Variants in ZNF804B observed in about 807,000 individuals in gnomAD.
ZNF804B encodes zinc finger protein 804B.
Under a neutral mutation model 101.4 loss-of-function variants are expected in ZNF804B, and 80 were observed. The ratio of observed to expected loss-of-function variants is 0.79; its 90% CI spans 0.66 to 0.95. The LOEUF is 0.95. ZNF804B is among the 40% of genes least tolerant of loss of function. The pLI is 0.00. For synonymous variants in ZNF804B, 622 were observed against 558.8 expected (o/e 1.11, Z -1.59); for missense variants, 1,673 against 1,561.9 (o/e 1.07, Z -1.20).
intron 1 of ZNF804B, among the ~76,000 whole-genome samples, chr7:89,192,210 T>A (rs1788465271): frequency 6.6e-6 from 1 of 152,098 alleles, no homozygotes; most frequent in Non-Finnish European, 1.5e-5. Context: ...TCAAGATAGT[T>A]TAATGTATCT....
chr7:89,064,388 G>A (rs922059287), intron 1 of ZNF804B, among the ~76,000 whole-genome samples: 13 of 152,144 alleles, frequency 8.5e-5, no homozygotes, highest in Admixed American at 2.0e-4. Flanking sequence ...GGTATAACCC[G>A]TGTCTACCAT....
At chr7:89,274,137 T>TTTTTC (rs1554387663) in intron 2 of ZNF804B, among the ~76,000 whole-genome samples, 51 of 145,594 alleles carry the variant, frequency 3.5e-4, no homozygotes, top group East Asian at 3.2e-3. Flanking sequence ...TTTTTTTTTC[T>TTTTTC]TTTTATTTTA....
intron 1 of ZNF804B, among the ~76,000 whole-genome samples, chr7:89,045,917 T>C (rs1194748677): frequency 6.6e-6 from 1 of 152,016 alleles, no homozygotes; most frequent in African/African-American, 2.4e-5. Flanking sequence ...GGAGATGAGA[T>C]TTCAGAGGGA....
intron 1 of ZNF804B, among the ~76,000 whole-genome samples, chr7:89,121,673 A>G (rs1790407770): frequency 6.6e-6 from 1 of 152,210 alleles, no homozygotes; most frequent in Admixed American, 6.5e-5. Context: ...GCAAATTTCT[A>G]TACTTTTAAT....
intron 1 of ZNF804B, among the ~76,000 whole-genome samples, chr7:89,177,434 T>C (rs527400380): frequency 1.3e-5 from 2 of 152,216 alleles, no homozygotes; most frequent in Non-Finnish European, 2.9e-5. Context: ...CTGAAGTTCC[T>C]CTTGTTACTG....
rs151268364 is a variant in ZNF804B, at chr7:88,843,755, A to G, written c.108+83671A>G. On this transcript the variant is annotated intron_variant, in intron 1 of 3. Transcript: ENST00000333190. The stretch of plus-strand genomic sequence containing the variant: ...CTGTCTCAAAAGAAAAAAAATAATA[A>G]ATAATAAAATAACAAATGAAGACAA... Among the ~76,000 whole-genome samples, 396 of 152,222 alleles carry G rather than the reference A, an allele frequency of 2.6e-3. 1 individual carries two copies. Among genetic ancestry groups the G allele is most frequent in the Non-Finnish European group, 3.5e-3 (241 of 68,010 alleles).
chr7:89,264,091 A>G (rs1789748617), intron 2 of ZNF804B, among the ~76,000 whole-genome samples: 1 of 152,140 alleles, frequency 6.6e-6, no homozygotes, highest in Non-Finnish European at 1.5e-5. Context: ...AAACATGTTT[A>G]TATCCACAAC....
intron 1 of ZNF804B, among the ~76,000 whole-genome samples, chr7:88,985,637 G>A (rs1366925776): frequency 2.0e-5 from 3 of 152,006 alleles, no homozygotes; most frequent in Admixed American, 2.0e-4. Flanking sequence ...TATAGAAAGA[G>A]GAAAAAGCCA....
intron 1 of ZNF804B, among the ~76,000 whole-genome samples, chr7:88,787,787 G>A (rs2115675684): frequency 6.6e-6 from 1 of 152,246 alleles, no homozygotes; most frequent in South Asian, 2.1e-4. Context: ...TGACACCAGA[G>A]TGGCTCTCTT....
chr7:89,147,554 A>G (rs774582091), intron 1 of ZNF804B, among the ~76,000 whole-genome samples: 5 of 152,088 alleles, frequency 3.3e-5, no homozygotes, highest in Non-Finnish European at 5.9e-5. Context: ...AATGTAGAGT[A>G]TAGAGCAGTG....
intron 2 of ZNF804B, among the ~76,000 whole-genome samples, chr7:89,298,962 T>C (rs561102531): frequency 3.2e-4 from 49 of 152,024 alleles, no homozygotes; most frequent in African/African-American, 1.1e-3. Flanking sequence ...TCAGAGTGAC[T>C]AATAAAGTGA....
chr7:89,154,727 G>A (rs906498070), intron 1 of ZNF804B, among the ~76,000 whole-genome samples: 6 of 152,030 alleles, frequency 3.9e-5, no homozygotes, highest in African/African-American at 1.4e-4. Context: ...GAGTAATGGG[G>A]GGCTGGGAGG....
chr7:88,952,721 A>G (rs1793243837), intron 1 of ZNF804B, among the ~76,000 whole-genome samples: 1 of 151,874 alleles, frequency 6.6e-6, no homozygotes, highest in Non-Finnish European at 1.5e-5. Context: ...ACCGTAATCT[A>G]TAATTCCCAT....
At chr7:89,108,267 G>T (rs1790165222) in intron 1 of ZNF804B, among the ~76,000 whole-genome samples, 1 of 150,648 alleles carries the variant, frequency 6.6e-6, no homozygotes. Context: ...AGTGATGATA[G>T]GTGGCTTTTA....
intron 2 of ZNF804B, among the ~76,000 whole-genome samples, chr7:89,242,360 T>C (rs1015918277): frequency 3.3e-5 from 5 of 152,066 alleles, no homozygotes; most frequent in Admixed American, 2.0e-4. Context: ...CTTGCTTTTT[T>C]CCCCTATATA....
In ZNF804B at chr7:89,336,343, A is replaced by G. The variant is rs539521409; in HGVS notation, c.3361A>G (p.Thr1121Ala). Reference sequence around the variant, plus strand: ...AAATATAAACTCTTACTATGACAGAACTATGCAGAAACCTGACAAAGTCGA... The same window carrying G: ...AAATATAAACTCTTACTATGACAGAGCTATGCAGAAACCTGACAAAGTCGA... The part of the protein sequence containing the change: ...EGNINSYYDR[T>A]MQKPDKVEDG... The change falls in exon 4 of 4, where the codon ACT becomes GCT. Residue 1121 changes from threonine to alanine, a missense_variant. Physicochemically the swap from Thr to Ala is moderately conservative, Grantham distance 58. Transcript: ENST00000333190. The G allele has an allele frequency of 6.2e-7, 1 of 1,614,030 alleles. No homozygotes were observed. The highest frequency in any genetic ancestry group is 8.5e-7 in the Non-Finnish European group (1 of 1,180,006).
At chr7:89,062,042 G>T (rs1188047001) in intron 1 of ZNF804B, among the ~76,000 whole-genome samples, 1 of 151,988 alleles carries the variant, frequency 6.6e-6, no homozygotes, top group African/African-American at 2.4e-5. Context: ...GCTAGTGCTC[G>T]AGGCAGACTG....
intron 1 of ZNF804B, chr7:88,795,122 T>C (rs1790459376): frequency 2.1e-6 from 1 of 479,576 alleles, no homozygotes; most frequent in Admixed American, 3.9e-5. Flanking sequence ...TTTGCCAGTT[T>C]TATCAGGAAA....
chr7:88,800,297 C>G (rs150363621), intron 1 of ZNF804B, among the ~76,000 whole-genome samples: 1 of 151,782 alleles, frequency 6.6e-6, no homozygotes, highest in Non-Finnish European at 1.5e-5. Context: ...GAAAAAAAAA[C>G]AAACTACATT....
Sources: allele counts gnomAD v4.1 joint callset (sites outside exome capture counted in the v4.1 genomes callset), GRCh38; gene constraint gnomAD v4.1.1; transcripts MANE v1.5; gene names NCBI Gene and HGNC (gene_info 2026-07-23, HGNC 2026-07-21).